IL12RB1: variants seen among roughly 807,000 people sequenced by gnomAD.
IL12RB1 encodes the protein interleukin-12 receptor subunit beta-1.
Under a neutral mutation model 94.4 loss-of-function variants are expected in IL12RB1, and 64 were observed. The observed-to-expected ratio is 0.68, with a 90% CI of 0.55 to 0.83. The LOEUF is 0.83. Ranked by LOEUF, IL12RB1 falls within the 40% of genes least tolerant of loss-of-function variation. The pLI, the probability that IL12RB1 is intolerant of heterozygous loss-of-function variation, is 0.00. For missense variants in IL12RB1, 814 were observed against 855.6 expected, an observed-to-expected ratio of 0.95 and a Z score of 0.61; for synonymous variants, 362 against 355.5, an observed-to-expected ratio of 1.02 and a Z score of -0.21.
intron 7 of IL12RB1, among the ~76,000 whole-genome samples, chr19:18,075,484 C>T (rs1352755967): frequency 1.3e-5 from 2 of 152,094 alleles, no homozygotes; most frequent in East Asian, 3.9e-4. Context: ...TGGTCTCGAA[C>T]TCCTGACCTC....
chr19:18,092,156 C>T (rs1207143685), intron 1 of IL12RB1, among the ~76,000 whole-genome samples: 1 of 149,226 alleles, frequency 6.7e-6, no homozygotes, highest in Non-Finnish European at 1.5e-5. Flanking sequence ...GGATTACCGG[C>T]GTAAGCCACC....
chr19:18,065,972 G>A (rs2034549526), intron 12 of IL12RB1, among the ~76,000 whole-genome samples: 1 of 151,188 alleles, frequency 6.6e-6, no homozygotes, highest in Non-Finnish European at 1.5e-5. Context: ...CCAGGAGGTT[G>A]AGGCTGCTGT....
At chr19:18,061,719 T>C (rs17885904) in intron 14 of IL12RB1, among the ~76,000 whole-genome samples, 8 of 151,986 alleles carry the variant, frequency 5.3e-5, no homozygotes, top group Non-Finnish European at 7.4e-5. Context: ...AATAAATAGC[T>C]GGGTGTGATG....
chr19:18,098,620 C>A (rs755783650), intron 1 of IL12RB1: 5 of 435,062 alleles, frequency 1.1e-5, no homozygotes, highest in Non-Finnish European at 2.3e-5. Flanking sequence ...CCTTTGACTT[C>A]TCTGGGCCTC....
rs1555782866 is a variant in IL12RB1 at position 18,072,220 on chromosome 19, T to A, written c.913A>T (p.Lys305Ter). The change falls in exon 9 of 17, where the codon AAG (lysine) becomes TAG (stop). Residue 305 changes from lysine to a stop codon, truncating the protein, a stop_gained. Coordinates refer to ENST00000593993, the MANE Select transcript of IL12RB1 (RefSeq NM_005535.3). LOFTEE classifies it high-confidence loss of function. ...AKATRTLHLG[K>*]MPYLSGAAYN... ...GCAGCACCCGAGAGATAGGGCATCT[T>A]CCCCAGGTGCAGGGTCCTGGTGGCC... 5.6e-6 allele frequency: 9 copies of A among 1,613,916 alleles called. No homozygotes were observed. Among genetic ancestry groups the A allele is most frequent in the Non-Finnish European group, 7.6e-6 (9 of 1,179,930 alleles).
At chr19:18,065,833 G>A (rs1208264246) in intron 12 of IL12RB1, among the ~76,000 whole-genome samples, 3 of 149,310 alleles carry the variant, frequency 2.0e-5, no homozygotes, top group African/African-American at 7.4e-5. Flanking sequence ...AGAAAAAAAA[G>A]AAAAAATCCC....
At chr19:18,070,908 G>A (rs2034979902) in intron 9 of IL12RB1, 2 of 157,098 alleles carry the variant, frequency 1.3e-5, no homozygotes, top group African/African-American at 4.8e-5. Context: ...TTGCACTCCA[G>A]TCTGCCAACA....
intron 12 of IL12RB1, among the ~76,000 whole-genome samples, chr19:18,066,093 TTTTG>T (rs985257702): frequency 7.9e-5 from 12 of 151,620 alleles, no homozygotes; most frequent in Admixed American, 2.6e-4. Flanking sequence ...TGTTTTTGTT[TTTTG>T]TTTGTTTGTT....
intron 5 of IL12RB1, 133 bp downstream of exon 5, chr19:18,077,383 A>T: frequency 1.4e-6 from 1 of 728,816 alleles, no homozygotes. Context: ...AAGAAAAAGA[A>T]AAAAACCACC....
At chr19:18,077,138 G>A (rs1004504158) in intron 5 of IL12RB1, among the ~76,000 whole-genome samples, 14 of 152,096 alleles carry the variant, frequency 9.2e-5, no homozygotes, top group East Asian at 1.9e-4. Context: ...CAAGGTGGGC[G>A]GATCACCTGA....
rs1270196525 is a variant in IL12RB1 at position 18,059,873 on chromosome 19, TG to T, written c.1983+20del. 2 of 1,429,070 alleles carry T rather than the reference TG, an allele frequency of 1.4e-6. No individual in the cohort carries two copies. The highest frequency in any genetic ancestry group is 1.4e-5 in the African/African-American group (1 of 69,658). The allele number at this position is 1,429,070 out of a possible 1,614,324, so 88.5% of individuals were successfully genotyped here. On this transcript the variant is annotated intron_variant, in intron 16 of 16. Coordinates refer to ENST00000593993, the MANE Select transcript of IL12RB1 (RefSeq NM_005535.3). ...GGGCAGGGTTGCACCCCTGACCGTC[TG>T]GCCCACTGGGCCCCAGGACCTTGGC...
At chr19:18,084,268 C>T (rs566935538) in intron 1 of IL12RB1, among the ~76,000 whole-genome samples, 11 of 143,072 alleles carry the variant, frequency 7.7e-5, no homozygotes, top group Non-Finnish European at 1.7e-4. Context: ...TCCATCCATC[C>T]ACCCCCCATC....
intron 5 of IL12RB1, 108 bp downstream of exon 5, chr19:18,077,408 G>T (rs1045683982): frequency 2.4e-6 from 2 of 843,010 alleles, no homozygotes; most frequent in Admixed American, 2.0e-5. Flanking sequence ...GGGCTAGAGT[G>T]GGGGCTGGTT....
chr19:18,066,373 C>T (rs1306413822), intron 12 of IL12RB1, among the ~76,000 whole-genome samples, 169 bp downstream of exon 12: 1 of 152,088 alleles, frequency 6.6e-6, no homozygotes, highest in Non-Finnish European at 1.5e-5. Flanking sequence ...TCCCAAAGTG[C>T]TGGGATTACA....
At chr19:18,093,333 T>A (rs1333873332) in intron 1 of IL12RB1, among the ~76,000 whole-genome samples, 1 of 137,766 alleles carries the variant, frequency 7.3e-6, no homozygotes, top group South Asian at 2.2e-4. Flanking sequence ...AAAACACAAA[T>A]ATATATATAT....
At chr19:18,072,447 A>G (rs2035132147) in intron 8 of IL12RB1, 98 bp from the exon 9 acceptor site, 6 of 805,474 alleles carry the variant, frequency 7.4e-6, no homozygotes, top group East Asian at 7.4e-5. Context: ...GACTTGGACA[A>G]AGGCCACAGC....
chr19:18,084,224 C>G (rs992219529), intron 1 of IL12RB1, among the ~76,000 whole-genome samples: 2 of 151,046 alleles, frequency 1.3e-5, no homozygotes, highest in Admixed American at 1.3e-4. Context: ...TCCATCCACC[C>G]CACCATCCGT....
chr19:18,068,017 CTTTTTTTTTT>C (rs1216685125), intron 11 of IL12RB1, among the ~76,000 whole-genome samples: 2 of 59,826 alleles, frequency 3.3e-5, no homozygotes, highest in Admixed American at 3.9e-4. Flanking sequence ...CAGCATTGTC[CTTTTTTTTTT>C]TTTTTTTTTT....
chr19:18,089,458 C>T (rs2146542075), upstream of IL12RB1, among the ~76,000 whole-genome samples: 1 of 152,050 alleles, frequency 6.6e-6, no homozygotes, highest in Middle Eastern at 3.4e-3. Context: ...AACCCAGTCT[C>T]TACTAAAAAT....
Sources: gnomAD v4.1 joint callset for allele counts (sites outside exome capture counted in the v4.1 genomes callset) on GRCh38, gnomAD v4.1.1 for gene constraint, MANE v1.5 for transcripts, NCBI Gene and HGNC (gene_info 2026-07-23, HGNC 2026-07-21) for gene names.